ATP13A4: variants seen among roughly 807,000 people sequenced by gnomAD.
The protein encoded by ATP13A4 is probable cation-transporting ATPase 13A4.
Under a neutral mutation model 142.5 loss-of-function variants are expected in ATP13A4, and 114 were observed. The ratio of observed to expected loss-of-function variants is 0.80; its 90% CI spans 0.69 to 0.93. The LOEUF (loss-of-function observed/expected upper bound fraction) is 0.93. ATP13A4 is among the 40% of genes least tolerant of loss of function. The pLI is 0.00. For synonymous variants in ATP13A4, 488 were observed against 514.8 expected, an observed-to-expected ratio of 0.95 and a Z score of 0.70; for missense variants, 1,392 against 1,454.0, an observed-to-expected ratio of 0.96 and a Z score of 0.69.
At chr3:193,440,944 G>T (rs1451367253) in intron 20 of ATP13A4, among the ~76,000 whole-genome samples, 1 of 152,050 alleles carries the variant, frequency 6.6e-6, no homozygotes, top group Non-Finnish European at 1.5e-5. Context: ...TGAGCTTAAT[G>T]GAACCTTGAA....
At chr3:193,485,724 A>G (rs961336488) in intron 7 of ATP13A4, among the ~76,000 whole-genome samples, 2 of 152,128 alleles carry the variant, frequency 1.3e-5, no homozygotes, top group African/African-American at 2.4e-5. Flanking sequence ...AAAGGTGATT[A>G]GGTCATGAAT....
At chr3:193,464,873 A>C (rs1237480021) in intron 12 of ATP13A4, 67 bp downstream of exon 12, 1 of 1,541,830 alleles carries the variant, frequency 6.5e-7, no homozygotes, top group African/African-American at 1.4e-5. Flanking sequence ...CAAGGGGGTA[A>C]AAGTAGATAT....
intron 8 of ATP13A4, among the ~76,000 whole-genome samples, chr3:193,482,161 T>TG (rs1315135232): frequency 2.0e-5 from 3 of 152,164 alleles, no homozygotes; most frequent in Non-Finnish European, 2.9e-5. Flanking sequence ...CAATTGATTT[T>TG]TGACAAAAGA....
chr3:193,418,510 A>G (rs575998715), intron 25 of ATP13A4, among the ~76,000 whole-genome samples: 1 of 149,488 alleles, frequency 6.7e-6, no homozygotes, highest in African/African-American at 2.5e-5. Context: ...GTATGGCCAC[A>G]TACTGGTTTC....
intron 11 of ATP13A4, among the ~76,000 whole-genome samples, chr3:193,465,709 A>C (rs1026161922): frequency 6.6e-6 from 1 of 152,228 alleles, no homozygotes; most frequent in Non-Finnish European, 1.5e-5. Context: ...CAATAGCTCT[A>C]AATATGCTAC....
At chr3:193,425,534 A>C (rs1360527806) in intron 25 of ATP13A4, among the ~76,000 whole-genome samples, 1 of 151,826 alleles carries the variant, frequency 6.6e-6, no homozygotes, top group African/African-American at 2.4e-5. Flanking sequence ...CCTTAAAAAA[A>C]CAAGGAAATC....
intron 2 of ATP13A4, among the ~76,000 whole-genome samples, chr3:193,570,704 G>A (rs188422633): frequency 2.1e-3 from 327 of 152,240 alleles, no homozygotes; most frequent in Non-Finnish European, 2.7e-3. Flanking sequence ...GTGTCATAGC[G>A]GTGAAACCCA....
At chr3:193,409,398 G>A (rs1452937389) in intron 28 of ATP13A4, among the ~76,000 whole-genome samples, 10 of 152,106 alleles carry the variant, frequency 6.6e-5, no homozygotes, top group African/African-American at 1.2e-4. Context: ...ATAATTCTTT[G>A]CAGAATCCTT....
At chr3:193,467,976 C>T (rs544195801) in intron 9 of ATP13A4, among the ~76,000 whole-genome samples, 1 of 152,050 alleles carries the variant, frequency 6.6e-6, no homozygotes, top group African/African-American at 2.4e-5. Context: ...GTCAGGAGTT[C>T]GAGACCAGCC....
intron 2 of ATP13A4, among the ~76,000 whole-genome samples, chr3:193,578,028 C>T (rs943650905): frequency 2.0e-5 from 3 of 152,160 alleles, no homozygotes; most frequent in African/African-American, 7.2e-5. Context: ...GGTGCGGTGG[C>T]TCACTCTTAT....
chr3:193,487,052 C>T (rs530123226), intron 7 of ATP13A4, among the ~76,000 whole-genome samples: 1 of 152,008 alleles, frequency 6.6e-6, no homozygotes, highest in Non-Finnish European at 1.5e-5. Flanking sequence ...GTTGTTTTGA[C>T]TTTGGAACAC....
chr3:193,453,973 A>C (rs771794119), intron 17 of ATP13A4, 128 bp downstream of exon 17: 6 of 769,124 alleles, frequency 7.8e-6, no homozygotes, highest in Non-Finnish European at 1.4e-5. Context: ...ACACAAATTC[A>C]GCAAGCTACA....
Position 193,457,062 on chromosome 3 carries a change from T to G in ATP13A4, c.1853A>C (p.Asp618Ala). Reference protein sequence around the residue: ...MTVIVQEMGGDRLAFMKGAPE... With the variant: ...MTVIVQEMGGARLAFMKGAPE... ...TGCACCTTTCATGAATGCCAGTCGG[T>G]CACCTCCCATCTCTTGGACAATGAC... The change falls in exon 16 of 30, where the codon GAC (aspartate) becomes GCC (alanine). Residue 618 changes from aspartate to alanine, a missense_variant. By Grantham distance (126) the Asp-to-Ala change is moderately radical. Transcript: ENST00000342695. 1.2e-6 allele frequency: 2 copies of G among 1,614,072 alleles called. No individual in the cohort carries two copies. The highest frequency in any genetic ancestry group is 1.7e-6 in the Non-Finnish European group (2 of 1,180,014).
At chr3:193,489,896 G>A in intron 6 of ATP13A4, 32 bp from the exon 7 acceptor site, 2 of 1,607,410 alleles carry the variant, frequency 1.2e-6, no homozygotes, top group Non-Finnish European at 1.7e-6. Flanking sequence ...GGAAGACAAG[G>A]GAGAGTTTTA....
rs151182847 is a variant in ATP13A4, at chr3:193,429,543, C to A, written c.2842+4302G>T. 6.7e-3 allele frequency among the ~76,000 whole-genome samples: 1,021 copies of A among 151,930 alleles called. 19 individuals are homozygous for A. The highest frequency in any genetic ancestry group is 0.023 in the African/African-American group (948 of 41,484). Reference sequence around the variant, plus strand: ...AGATACAATGGTACAAACTGCCTGACTTCATTTATATGAAATATATTGAAT... The same window carrying A: ...AGATACAATGGTACAAACTGCCTGAATTCATTTATATGAAATATATTGAAT... On this transcript the variant is annotated intron_variant, in intron 25 of 29. Coordinates refer to ENST00000342695, the MANE Select transcript of ATP13A4 (RefSeq NM_032279.4).
At chr3:193,504,268 G>A (rs531704708) in intron 2 of ATP13A4, among the ~76,000 whole-genome samples, 15 of 152,174 alleles carry the variant, frequency 9.9e-5, no homozygotes, top group South Asian at 6.2e-4. Context: ...CTAAGTCACC[G>A]ATCTGATGAT....
intron 3 of ATP13A4, among the ~76,000 whole-genome samples, chr3:193,500,412 T>A (rs1201966782): frequency 2.0e-5 from 3 of 152,194 alleles, no homozygotes; most frequent in Non-Finnish European, 4.4e-5. Flanking sequence ...GTCTTCAGAC[T>A]TCCTTTAAAC....
intron 16 of ATP13A4, among the ~76,000 whole-genome samples, chr3:193,455,158 G>T (rs1717520418): frequency 6.6e-6 from 1 of 151,970 alleles, no homozygotes; most frequent in Non-Finnish European, 1.5e-5. Flanking sequence ...CTAACACGGT[G>T]AAACCCCGTC....
At chr3:193,523,346 G>A (rs1411918712) in intron 1 of ATP13A4, among the ~76,000 whole-genome samples, 2 of 151,930 alleles carry the variant, frequency 1.3e-5, no homozygotes, top group East Asian at 1.9e-4. Flanking sequence ...AACCATATTC[G>A]AGTTCATGCT....
Sources: gnomAD v4.1 joint callset for allele counts (sites outside exome capture counted in the v4.1 genomes callset) on GRCh38, gnomAD v4.1.1 for gene constraint, MANE v1.5 for transcripts, NCBI Gene and HGNC (gene_info 2026-07-23, HGNC 2026-07-21) for gene names.